ANKRD12: variants seen among roughly 807,000 people sequenced by gnomAD.
ANKRD12 encodes the protein ankyrin repeat domain-containing protein 12.
In ANKRD12, 85 loss-of-function variants were observed where a neutral mutation model predicts 183.4. The observed-to-expected ratio is 0.46, with a 90% CI of 0.39 to 0.56. ANKRD12 has a LOEUF of 0.56. Among genes scored for constraint, ANKRD12 ranks in the 20% least tolerant of loss-of-function variants. ANKRD12 has a pLI of 0.00. For missense variants in ANKRD12, 2,405 were observed against 2,357.1 expected (o/e 1.02, Z -0.42); for synonymous variants, 914 against 800.2 (o/e 1.14, Z -2.40).
At chr18:9,149,204 C>T (rs2078596852) in intron 1 of ANKRD12, among the ~76,000 whole-genome samples, 2 of 152,130 alleles carry the variant, frequency 1.3e-5, no homozygotes, top group South Asian at 4.2e-4. Context: ...CTGTCAGTTC[C>T]CTTCAGGCTA....
At chr18:9,152,070 GAAA>G (rs942479871) in intron 1 of ANKRD12, among the ~76,000 whole-genome samples, 1 of 151,964 alleles carries the variant, frequency 6.6e-6, no homozygotes, top group Non-Finnish European at 1.5e-5. Flanking sequence ...AAAACAAAAA[GAAA>G]AAAATAATTT....
At chr18:9,260,608 T>C (rs1567987721) in intron 9 of ANKRD12, among the ~76,000 whole-genome samples, 1 of 152,092 alleles carries the variant, frequency 6.6e-6, no homozygotes, top group African/African-American at 2.4e-5. Flanking sequence ...GAGTGGGTGA[T>C]AAAAGGAAAG....
chr18:9,160,108 AAAAATAC>A (rs2143758011), intron 1 of ANKRD12, among the ~76,000 whole-genome samples: 2 of 152,086 alleles, frequency 1.3e-5, no homozygotes, highest in South Asian at 4.2e-4. Context: ...TGTCTCTACC[AAAAATAC>A]AAAATATTAG....
At chr18:9,208,918 T>G (rs1327150448) in intron 5 of ANKRD12, 115 bp downstream of exon 5, 1 of 1,047,968 alleles carries the variant, frequency 9.5e-7, no homozygotes, top group East Asian at 2.7e-5. Flanking sequence ...TTGGATTTAA[T>G]CAGAATTACT....
At chr18:9,225,542 AT>A (rs1421752922) in intron 8 of ANKRD12, among the ~76,000 whole-genome samples, 12 of 152,100 alleles carry the variant, frequency 7.9e-5, no homozygotes, top group Non-Finnish European at 1.5e-4. Flanking sequence ...AGAAATACTA[AT>A]TTTTCCCCCT....
intron 8 of ANKRD12, among the ~76,000 whole-genome samples, chr18:9,241,111 AT>A (rs2037634987): frequency 6.6e-6 from 1 of 152,184 alleles, no homozygotes; most frequent in African/African-American, 2.4e-5. Context: ...ACAGTTCACC[AT>A]AAGTAGGGAG....
chr18:9,166,380 CTGT>C (rs2032069200), intron 1 of ANKRD12, among the ~76,000 whole-genome samples: 1 of 152,198 alleles, frequency 6.6e-6, no homozygotes, highest in Non-Finnish European at 1.5e-5. Context: ...TCTCCAGCAC[CTGT>C]TGTTTCCTGA....
Position 9,254,903 on chromosome 18 carries a change from C to A in ANKRD12, c.1636C>A (p.His546Asn). ...FHISTGKSPK[H>N]SCGLSEKQST... ...TATTTCCACTGGTAAATCTCCCAAA[C>A]ATTCTTGTGGATTAAGTGAAAAACA... Residue 546 changes from histidine to asparagine, a missense_variant, in exon 9 of 13, where the codon CAT becomes AAT. Physicochemically the swap from His to Asn is moderately conservative, Grantham distance 68. This residue lies in a region of ANKRD12 where 1,983 missense variants were observed against 1,725.9 expected (regional missense o/e 1.15). Coordinates refer to ENST00000262126, the MANE Select transcript of ANKRD12 (RefSeq NM_015208.5). The A allele has an allele frequency of 6.4e-7, 1 of 1,557,328 alleles. No individual in the cohort carries two copies.
intron 5 of ANKRD12, 101 bp from the exon 6 acceptor site, chr18:9,211,483 C>T (rs1437243782): frequency 4.6e-5 from 49 of 1,066,940 alleles, no homozygotes; most frequent in South Asian, 2.8e-4. Flanking sequence ...AGAAGGCATT[C>T]CTTGTGTTTC....
intron 4 of ANKRD12, among the ~76,000 whole-genome samples, chr18:9,206,534 T>C (rs1281830988): frequency 6.6e-6 from 1 of 152,102 alleles, no homozygotes; most frequent in Non-Finnish European, 1.5e-5. Context: ...ACAGTGTAGT[T>C]GTCTCTATCC....
chr18:9,193,936 T>C (rs546502529), intron 2 of ANKRD12, among the ~76,000 whole-genome samples: 2 of 152,352 alleles, frequency 1.3e-5, no homozygotes, highest in South Asian at 4.1e-4. Context: ...GTGAACTTTA[T>C]AATACCTATA....
chr18:9,169,152 T>G (rs1345659436), intron 1 of ANKRD12, among the ~76,000 whole-genome samples: 1 of 152,046 alleles, frequency 6.6e-6, no homozygotes, highest in Non-Finnish European at 1.5e-5. Context: ...ATGTGGTCAA[T>G]TTTGGAGTAG....
intron 1 of ANKRD12, among the ~76,000 whole-genome samples, chr18:9,173,154 C>T (rs2032912575): frequency 6.6e-6 from 1 of 151,566 alleles, no homozygotes; most frequent in Admixed American, 6.6e-5. Context: ...ACTGCAACCT[C>T]CGCCTCCCGG....
At chr18:9,142,232 C>G (rs2078343445) in intron 1 of ANKRD12, among the ~76,000 whole-genome samples, 1 of 152,256 alleles carries the variant, frequency 6.6e-6, no homozygotes, top group East Asian at 1.9e-4. Context: ...TATTGACTCT[C>G]AAAAGAAAAA....
chr18:9,137,672 C>G (rs1471807048), intron 1 of ANKRD12: 2 of 152,118 alleles, frequency 1.3e-5, no homozygotes, highest in African/African-American at 2.4e-5. Flanking sequence ...AGCAGCCACT[C>G]TACAGTTCTG....
intron 11 of ANKRD12, among the ~76,000 whole-genome samples, chr18:9,277,378 A>G (rs1438799316): frequency 8.0e-6 from 1 of 124,544 alleles, no homozygotes; most frequent in Admixed American, 1.0e-4. Context: ...CCCAGGCTGG[A>G]GTGCAGTGGC....
chr18:9,171,112 C>T (rs1304724860), intron 1 of ANKRD12, among the ~76,000 whole-genome samples: 1 of 152,192 alleles, frequency 6.6e-6, no homozygotes, highest in Non-Finnish European at 1.5e-5. Flanking sequence ...TCAGTCCGCC[C>T]CTACTGGGGG....
intron 1 of ANKRD12, among the ~76,000 whole-genome samples, chr18:9,141,492 G>C (rs1039631183): frequency 6.6e-6 from 1 of 152,170 alleles, no homozygotes; most frequent in Admixed American, 6.5e-5. Flanking sequence ...CAGGTTTTCT[G>C]ATTAGTGCGA....
At chr18:9,154,769 A>G (rs2030150103) in intron 1 of ANKRD12, among the ~76,000 whole-genome samples, 1 of 152,242 alleles carries the variant, frequency 6.6e-6, no homozygotes. Context: ...AGATGGAATC[A>G]GCATTTCTGA....
Sources: gnomAD v4.1 joint callset for allele counts (sites outside exome capture counted in the v4.1 genomes callset) on GRCh38, gnomAD v4.1.1 for gene constraint, gnomAD v4.1.1 regional missense constraint, MANE v1.5 for transcripts, NCBI Gene and HGNC (gene_info 2026-07-23, HGNC 2026-07-21) for gene names.